XKR9: variants seen among roughly 807,000 people sequenced by gnomAD.
XKR9 encodes the protein XK related 9.
In XKR9, 32 loss-of-function variants were observed where a neutral mutation model predicts 32.0. The observed-to-expected ratio is 1.00, with a 90% CI of 0.76 to 1.34. XKR9 has a LOEUF of 1.34. Ranked by LOEUF, XKR9 falls within the 40% of genes most tolerant of loss-of-function variation. XKR9 has a pLI of 0.00. For synonymous variants in XKR9, 168 were observed against 143.4 expected, an observed-to-expected ratio of 1.17 and a Z score of -1.22; for missense variants, 546 against 429.7, an observed-to-expected ratio of 1.27 and a Z score of -2.39.
At chr8:71,057,605 T>C in the XKR9 span, among the ~76,000 whole-genome samples, 1 of 152,182 alleles carries the variant, frequency 6.6e-6, no homozygotes, top group Non-Finnish European at 1.5e-5. Flanking sequence ...ATCTCAATTC[T>C]AGAAAAACAC....
chr8:70,720,099 T>C (rs1463186959), intron 4 of XKR9, among the ~76,000 whole-genome samples: 1 of 152,148 alleles, frequency 6.6e-6, no homozygotes, highest in African/African-American at 2.4e-5. Context: ...GGCTCTCTGT[T>C]TGTCTATTAT....
intron 2 of XKR9, among the ~76,000 whole-genome samples, chr8:70,755,725 C>T (rs1429525125): frequency 2.5e-5 from 3 of 119,192 alleles, no homozygotes; most frequent in Admixed American, 1.2e-4. Context: ...CCCATGGACA[C>T]GGGAAGGGGA....
the XKR9 span, among the ~76,000 whole-genome samples, chr8:71,060,406 T>G: frequency 3.3e-5 from 5 of 152,248 alleles, no homozygotes; most frequent in South Asian, 1.0e-3. Flanking sequence ...CAGGTGCGGG[T>G]GTCCTCATCC....
At chr8:70,811,645 A>G in the XKR9 span, among the ~76,000 whole-genome samples, 2 of 152,260 alleles carry the variant, frequency 1.3e-5, no homozygotes, top group Admixed American at 6.5e-5. Context: ...AACTACCATC[A>G]GAGAATACTA....
downstream of XKR9, among the ~76,000 whole-genome samples, chr8:70,792,175 T>C (rs2130272760): frequency 6.6e-6 from 1 of 152,256 alleles, no homozygotes; most frequent in East Asian, 1.9e-4. Flanking sequence ...TTACAAAATA[T>C]TTTAATTTAT....
chr8:70,830,786 A>G, the XKR9 span, among the ~76,000 whole-genome samples: 1 of 152,196 alleles, frequency 6.6e-6, no homozygotes, highest in Non-Finnish European at 1.5e-5. Context: ...GAAGTAATAA[A>G]AGGAAGAGAT....
At chr8:70,753,329 C>T (rs1807169751) in intron 2 of XKR9, among the ~76,000 whole-genome samples, 1 of 151,642 alleles carries the variant, frequency 6.6e-6, no homozygotes, top group African/African-American at 2.4e-5. Flanking sequence ...CGAATTCTAC[C>T]AGAGGTACAA....
chr8:70,793,097 A>T (rs1289008241), downstream of XKR9, among the ~76,000 whole-genome samples: 1 of 152,084 alleles, frequency 6.6e-6, no homozygotes, highest in Non-Finnish European at 1.5e-5. Context: ...TTTTGACTTC[A>T]GTGTTGTATA....
chr8:70,726,120 A>C (rs559204329), intron 4 of XKR9, among the ~76,000 whole-genome samples: 35 of 152,302 alleles, frequency 2.3e-4, no homozygotes, highest in African/African-American at 8.2e-4. Flanking sequence ...GAATTCTGTT[A>C]ATATTAAAAA....
the XKR9 span, among the ~76,000 whole-genome samples, chr8:70,855,051 C>A: frequency 6.6e-6 from 1 of 152,004 alleles, no homozygotes; most frequent in Non-Finnish European, 1.5e-5. Flanking sequence ...TTTTCCAATT[C>A]TGTGAAGAAA....
At chr8:70,765,315 G>A (rs936428126) in intron 2 of XKR9, among the ~76,000 whole-genome samples, 6 of 152,272 alleles carry the variant, frequency 3.9e-5, no homozygotes, top group Non-Finnish European at 7.4e-5. Context: ...TCTCATTGTG[G>A]TTTTGATTTG....
the XKR9 span, among the ~76,000 whole-genome samples, chr8:70,925,392 G>A: frequency 6.6e-6 from 1 of 152,186 alleles, no homozygotes; most frequent in South Asian, 2.1e-4. Flanking sequence ...AGGCTAGGAG[G>A]GATCAGTTTT....
At chr8:70,877,917 C>T in the XKR9 span, among the ~76,000 whole-genome samples, 2 of 152,164 alleles carry the variant, frequency 1.3e-5, no homozygotes, top group African/African-American at 2.4e-5. Flanking sequence ...AGAGAAAGGT[C>T]GAGTTACTCA....
At chr8:70,902,851 T>A in the XKR9 span, among the ~76,000 whole-genome samples, 2 of 152,164 alleles carry the variant, frequency 1.3e-5, no homozygotes, top group African/African-American at 2.4e-5. Context: ...GCTGTTGAAT[T>A]TTGTTGAAGG....
At chr8:70,726,208 A>G (rs1224127570) in intron 4 of XKR9, among the ~76,000 whole-genome samples, 1 of 152,228 alleles carries the variant, frequency 6.6e-6, no homozygotes, top group Non-Finnish European at 1.5e-5. Flanking sequence ...TTGTAAATAC[A>G]TTATGGGGAC....
chr8:70,748,114 A>C (rs1807083344), intron 2 of XKR9, among the ~76,000 whole-genome samples: 1 of 152,238 alleles, frequency 6.6e-6, no homozygotes. Context: ...ATTTAGAATT[A>C]TATTAATGAC....
chr8:70,710,823 A>T (rs1449081439), intron 4 of XKR9, among the ~76,000 whole-genome samples: 1 of 152,214 alleles, frequency 6.6e-6, no homozygotes, highest in Non-Finnish European at 1.5e-5. Context: ...GGCAAAAGAA[A>T]CTATCAGCAG....
the XKR9 span, among the ~76,000 whole-genome samples, chr8:70,829,802 A>T: frequency 6.6e-6 from 1 of 152,292 alleles, no homozygotes; most frequent in Admixed American, 6.5e-5. Flanking sequence ...GAAACTACGA[A>T]ATTTCCTATT....
the XKR9 span, among the ~76,000 whole-genome samples, chr8:70,924,970 AT>A: frequency 1.3e-5 from 2 of 151,864 alleles, no homozygotes; most frequent in Non-Finnish European, 1.5e-5. Flanking sequence ...TTTAATGTTA[AT>A]TTTTTTTGCC....
Sources: allele counts gnomAD v4.1 joint callset (sites outside exome capture counted in the v4.1 genomes callset), GRCh38; gene constraint gnomAD v4.1.1; transcripts MANE v1.5; gene names NCBI Gene and HGNC (gene_info 2026-07-23, HGNC 2026-07-21).